The following MANEAL variants were observed in gnomAD, a reference collection of about 807,000 sequenced individuals.
MANEAL encodes glycoprotein endo-alpha-1,2-mannosidase-like protein.
In MANEAL, 28 loss-of-function variants were observed where a neutral mutation model predicts 35.9. The observed-to-expected ratio is 0.78, with a 90% CI of 0.58 to 1.07. The LOEUF (loss-of-function observed/expected upper bound fraction) is 1.07, where lower values mean the gene tolerates loss of function less well. Among genes scored for constraint, MANEAL ranks in the 50% least tolerant of loss-of-function variants. The pLI, the probability that MANEAL is intolerant of heterozygous loss-of-function variation, is 0.00. For synonymous variants in MANEAL, 286 were observed against 272.2 expected (o/e 1.05, Z -0.50); for missense variants, 576 against 629.6 (o/e 0.91, Z 0.91).
chr1:37,796,265 G>A (rs992096447), intron 2 of MANEAL, among the ~76,000 whole-genome samples: 1 of 152,078 alleles, frequency 6.6e-6, no homozygotes, highest in Non-Finnish European at 1.5e-5. Flanking sequence ...CGGACTGGAC[G>A]AAGCATTTCC....
chr1:37,794,891 A>G lies in MANEAL; in HGVS notation c.550+159A>G, dbSNP rs1261881049. The stretch of plus-strand genomic sequence containing the variant: ...CTCCCACTCTCATCCTGGGCCCACC[A>G]TGCGACACCGCCCCTCCGTCTAGTA... On this transcript the variant is annotated intron_variant, in intron 1 of 3. Transcript: ENST00000373045. The surrounding 1 kb of genome is among the most constrained non-coding windows in gnomAD (Gnocchi z 5.7). Among the ~76,000 whole-genome samples, 1 of 151,950 alleles carries G rather than the reference A, an allele frequency of 6.6e-6. No homozygotes were observed. The highest frequency in any genetic ancestry group is 1.9e-4 in the East Asian group (1 of 5,160).
chr1:37,794,802 C>T lies in MANEAL; in HGVS notation c.550+70C>T. On this transcript the variant is annotated intron_variant, in intron 1 of 3. Transcript: ENST00000373045. The surrounding 1 kb of genome is among the most constrained non-coding windows in gnomAD (Gnocchi z 5.7). The stretch of plus-strand genomic sequence containing the variant: ...CTTCCTCCTTCCCACACCCCAGCTC[C>T]CTCTGGTCCTGTCACCGGCCCTTTG... 1 of 1,027,592 alleles carries T rather than the reference C, an allele frequency of 9.7e-7. No individual in the cohort carries two copies. Among genetic ancestry groups the T allele is most frequent in the South Asian group, 1.5e-5 (1 of 65,628 alleles). The allele number at this position is 1,027,592 out of a possible 1,614,324, so 63.7% of individuals were successfully genotyped here. A position where few individuals can be genotyped will look rare whatever the true frequency, so the allele number is the denominator to read the frequency against.
rs1005594619 is a variant in MANEAL at position 37,796,788 on chromosome 1, T to C, written c.705T>C (p.Thr235=). ...IQPYKGRDDI[T]VHDNIKYIID... is the part of the protein sequence containing the mutation. ...CCTACAAGGGCCGGGATGACATCACTGTACATGACAACATCAAGTACATCA... is the reference window on the plus strand; with the variant it reads ...CCTACAAGGGCCGGGATGACATCACCGTACATGACAACATCAAGTACATCA... Residue 235 remains threonine, a synonymous_variant, in exon 3 of 4, where the codon ACT becomes ACC. Transcript: ENST00000373045. 1.2e-6 allele frequency: 2 copies of C among 1,609,548 alleles called. No individual in the cohort carries two copies. The highest frequency in any genetic ancestry group is 1.7e-6 in the Non-Finnish European group (2 of 1,178,020).
At chr1:37,797,347 G>C (rs894448299) in intron 3 of MANEAL, among the ~76,000 whole-genome samples, 1 of 151,706 alleles carries the variant, frequency 6.6e-6, no homozygotes, top group African/African-American at 2.4e-5. Flanking sequence ...GTTGCAGTGA[G>C]CCGAGATTGC....
In MANEAL at chr1:37,794,071, C is replaced by A; in HGVS notation, c.-112C>A. On this transcript the variant is annotated 5_prime_UTR_variant, in exon 1 of 4. Transcript: ENST00000373045. The surrounding 1 kb of genome is among the most constrained non-coding windows in gnomAD (Gnocchi z 5.7). ...GCGGGGACAGGCCGGGCGCCGCCCA[C>A]GCCGCGCTCTGCCGGGCGCACAGTC... is the stretch of plus-strand genomic sequence containing the variant. The A allele has an allele frequency of 1.4e-6, 1 of 717,384 alleles. No individual in the cohort carries two copies. The highest frequency in any genetic ancestry group is 1.7e-6 in the Non-Finnish European group (1 of 573,970). The allele number at this position is 717,384 out of a possible 1,614,324, so 44.4% of individuals were successfully genotyped here. A position where few individuals can be genotyped will look rare whatever the true frequency, so the allele number is the denominator to read the frequency against.
Position 37,794,249 on chromosome 1 carries a change from C to A in MANEAL, c.67C>A (p.Leu23Ile). 7.5e-7 allele frequency: 1 copy of A among 1,328,580 alleles called. No individual in the cohort carries two copies. The highest frequency in any genetic ancestry group is 2.9e-5 in the Admixed American group (1 of 34,486). The allele number at this position is 1,328,580 out of a possible 1,614,324, so 82.3% of individuals were successfully genotyped here. A position where few individuals can be genotyped will look rare whatever the true frequency, so the allele number is the denominator to read the frequency against. ...GGTGCTGCTCTTCGCCTTCGGCACC[C>A]TCATGGGTCTGCGCACGCTCAAGGC... ...FLVLLFAFGT[L>I]MGLRTLKAPD... The change falls in exon 1 of 4, where the codon CTC (leucine) becomes ATC (isoleucine). Residue 23 changes from leucine to isoleucine, a missense_variant. Leu to Ile is a conservative substitution (Grantham distance 5, BLOSUM62 2). Coordinates refer to ENST00000373045, the MANE Select transcript of MANEAL (RefSeq NM_001113482.2). The surrounding 1 kb of genome is among the most constrained non-coding windows in gnomAD (Gnocchi z 5.7).
rs775968788 is a variant in MANEAL, at chr1:37,799,541, C to G, written c.738-26C>G. The G allele has an allele frequency of 1.2e-6, 2 of 1,603,004 alleles. No individual in the cohort carries two copies. The highest frequency in any genetic ancestry group is 1.7e-6 in the Non-Finnish European group (2 of 1,174,424). On this transcript the variant is annotated intron_variant, in intron 3 of 3. Transcript: ENST00000373045. This position sits in a 1 kb window ranked among gnomAD's most constrained non-coding sequence, Gnocchi z 4.1. ...AGCTGTGCTGGTCTCTCCCATCCAG[C>G]TGAGGCTCTTCTTTCTCCTTCTCAG... is the stretch of plus-strand genomic sequence containing the variant.
At chr1:37,796,670 T>G in intron 2 of MANEAL, 74 bp from the exon 3 acceptor site, 2 of 1,361,552 alleles carry the variant, frequency 1.5e-6, no homozygotes, top group Non-Finnish European at 2.0e-6. Context: ...CAGGCCATGG[T>G]TAGATCCTGA....
Position 37,799,857 on chromosome 1 carries a change from TGAA to T in MANEAL, c.1032_1034del (p.Lys344del). ...TCTTCCCATCAGAACTGGAAAGCTG[TGAA>T]GAACTTTTGTGATGCCAACAACCTC... On this transcript the variant is annotated inframe_deletion, in exon 4 of 4. Coordinates refer to ENST00000373045, the MANE Select transcript of MANEAL (RefSeq NM_001113482.2). This position sits in a 1 kb window ranked among gnomAD's most constrained non-coding sequence, Gnocchi z 4.1. 1 of 1,614,242 alleles carries T rather than the reference TGAA, an allele frequency of 6.2e-7. No individual in the cohort carries two copies.
Position 37,794,575 on chromosome 1 carries a change from G to T in MANEAL, c.393G>T (p.Pro131=), listed in dbSNP as rs1285582452. The T allele has an allele frequency of 2.5e-6, 4 of 1,611,806 alleles. No individual in the cohort carries two copies. The South Asian group carries it at 3.3e-5, about 13-fold the overall frequency. Residue 131 remains proline (P), a synonymous_variant, in exon 1 of 4, where the codon CCG becomes CCT. Coordinates refer to ENST00000373045, the MANE Select transcript of MANEAL (RefSeq NM_001113482.2). The surrounding 1 kb of genome is among the most constrained non-coding windows in gnomAD (Gnocchi z 5.7). ...HYIHWDHVMV[P]HWDPKISASY... ...TTCACTGGGACCACGTCATGGTGCC[G>T]CACTGGGACCCCAAGATCTCGGCCA...
At chr1:37,798,033 C>T (rs762339641) in intron 3 of MANEAL, among the ~76,000 whole-genome samples, 1 of 152,010 alleles carries the variant, frequency 6.6e-6, no homozygotes, top group Non-Finnish European at 1.5e-5. Context: ...CTGTAGTAGT[C>T]CTAGCTACTT....
At position 37,794,241 on chromosome 1, in the gene MANEAL, T is replaced by C; in HGVS notation, c.59T>C (p.Phe20Ser). 1 of 1,334,440 alleles carries C rather than the reference T, an allele frequency of 7.5e-7. No homozygotes were observed. The allele number at this position is 1,334,440 out of a possible 1,614,324, so 82.7% of individuals were successfully genotyped here. The stretch of plus-strand genomic sequence containing the variant: ...CTGTTCCTGGTGCTGCTCTTCGCCT[T>C]CGGCACCCTCATGGGTCTGCGCACG... The part of the protein sequence containing the change: ...IALFLVLLFA[F>S]GTLMGLRTLK... The change falls in exon 1 of 4, where the codon TTC (phenylalanine) becomes TCC (serine). Residue 20 changes from phenylalanine (F) to serine (S), a missense_variant. Physicochemically the swap from Phe to Ser is radical, Grantham distance 155. Transcript: ENST00000373045. The surrounding 1 kb of genome is among the most constrained non-coding windows in gnomAD (Gnocchi z 5.7).
At chr1:37,798,376 T>C (rs1161396086) in intron 3 of MANEAL, among the ~76,000 whole-genome samples, 1 of 152,206 alleles carries the variant, frequency 6.6e-6, no homozygotes. Context: ...ACGATGCTAC[T>C]TAAGAATGGA....
At chr1:37,795,645 C>T in intron 1 of MANEAL, 92 bp from the exon 2 acceptor site, 1 of 1,586,990 alleles carries the variant, frequency 6.3e-7, no homozygotes, top group Non-Finnish European at 8.6e-7. Flanking sequence ...TTTTAGGAAC[C>T]ATTTTTGCAA....
Position 37,800,020 on chromosome 1 carries a change from G to C in MANEAL, c.1191G>C (p.Glu397Asp). The C allele has an allele frequency of 6.2e-7, 1 of 1,614,210 alleles. No individual in the cohort carries two copies. Among genetic ancestry groups the C allele is most frequent in the Middle Eastern group, 1.6e-4 (1 of 6,062 alleles). Residue 397 changes from glutamate to aspartate, a missense_variant, in exon 4 of 4, where the codon GAG (glutamate) becomes GAC (aspartate). By Grantham distance (45) the Glu-to-Asp change is conservative. Coordinates refer to ENST00000373045, the MANE Select transcript of MANEAL (RefSeq NM_001113482.2). ...AGGCGGCCCTGACAGTGAGGCCCGA[G>C]ATCGTTTCCATTACCTCCTTCAATG... ...ALQAALTVRP[E>D]IVSITSFNEW...
In MANEAL at chr1:37,799,914, A is replaced by G; in HGVS notation, c.1085A>G (p.Tyr362Cys). ...LMFIPSVGPG[Y>C]IDTSIRPWNN... is the part of the protein sequence containing the mutation. ...TTCATCCCCAGTGTGGGGCCTGGCTACATAGACACCAGCATTCGGCCCTGG... is the reference window on the plus strand; with the variant it reads ...TTCATCCCCAGTGTGGGGCCTGGCTGCATAGACACCAGCATTCGGCCCTGG... Residue 362 changes from tyrosine (Y) to cysteine (C), a missense_variant, in exon 4 of 4, where the codon TAC becomes TGC. This residue lies in a region of MANEAL where 449 missense variants were observed against 516.1 expected (regional missense o/e 0.87). Coordinates refer to ENST00000373045, the MANE Select transcript of MANEAL (RefSeq NM_001113482.2). This position sits in a 1 kb window ranked among gnomAD's most constrained non-coding sequence, Gnocchi z 4.1. 6.2e-7 allele frequency: 1 copy of G among 1,614,242 alleles called. No individual in the cohort carries two copies.
chr1:37,794,333 C>T lies in MANEAL; in HGVS notation c.151C>T (p.Pro51Ser). Residue 51 changes from proline to serine, a missense_variant, in exon 1 of 4, where the codon CCA becomes TCA. By Grantham distance (74) the Pro-to-Ser change is moderately conservative (BLOSUM62 -1). Transcript: ENST00000373045. The surrounding 1 kb of genome is among the most constrained non-coding windows in gnomAD (Gnocchi z 5.7). ...GLELAPFERR[P>S]EGAPAPAARA... ...GGAGCTGGCGCCCTTTGAGCGACGC[C>T]CAGAGGGGGCCCCCGCGCCCGCTGC... 1 of 1,098,940 alleles carries T rather than the reference C, an allele frequency of 9.1e-7. No homozygotes were observed. The highest frequency in any genetic ancestry group is 1.1e-6 in the Non-Finnish European group (1 of 901,834). 68.1% of individuals were successfully genotyped at this position (1,098,940 alleles called of 1,614,324 possible).
At position 37,800,501 on chromosome 1, in the gene MANEAL, C is replaced by T; in HGVS notation, c.*298C>T. On this transcript the variant is annotated 3_prime_UTR_variant, in exon 4 of 4. Coordinates refer to ENST00000373045, the MANE Select transcript of MANEAL (RefSeq NM_001113482.2). ...TCATGTAACCCCTTCTAGTTTTGAA[C>T]TCTGCAGCAGGCTGGTGCTGTGTAG... 1 of 443,168 alleles carries T rather than the reference C, an allele frequency of 2.3e-6. No homozygotes were observed. Among genetic ancestry groups the T allele is most frequent in the South Asian group, 2.4e-5 (1 of 40,936 alleles). The allele number at this position is 443,168 out of a possible 1,614,324, so 27.5% of individuals were successfully genotyped here.
Position 37,794,192 on chromosome 1 carries a change from C to T in MANEAL, c.10C>T (p.Arg4Trp), listed in dbSNP as rs1348186147. The T allele has an allele frequency of 1.6e-6, 2 of 1,279,280 alleles. No homozygotes were observed. The highest frequency in any genetic ancestry group is 2.0e-6 in the Non-Finnish European group (2 of 995,972). 79.2% of individuals were successfully genotyped at this position (1,279,280 alleles called of 1,614,324 possible). Residue 4 changes from arginine (R) to tryptophan (W), a missense_variant, in exon 1 of 4, where the codon CGG becomes TGG. By Grantham distance (101) the Arg-to-Trp change is moderately radical. Around this residue, in one of 3 missense-constraint regions of MANEAL, gnomAD observed 122 missense variants for 97.2 expected, o/e 1.26. Transcript: ENST00000373045. The surrounding 1 kb of genome is among the most constrained non-coding windows in gnomAD (Gnocchi z 5.7). Reference protein sequence around the residue: MARRRRRACIALFL... With the variant: MARWRRRACIALFL... ...GAGCGCACAGTCGGCCATGGCCCGG[C>T]GGCGGCGCCGCGCCTGCATCGCTCT...
Sources: allele counts gnomAD v4.1 joint callset (sites outside exome capture counted in the v4.1 genomes callset), GRCh38; gene constraint gnomAD v4.1.1; regional missense constraint gnomAD v4.1.1; non-coding constraint Gnocchi (gnomAD v3.1); transcripts MANE v1.5; gene names NCBI Gene and HGNC (gene_info 2026-07-23, HGNC 2026-07-21).